The following SH3KBP1 variants were observed in gnomAD, a reference collection of about 807,000 sequenced individuals.
The protein encoded by SH3KBP1 is SH3 domain-containing kinase-binding protein 1.
SH3KBP1 carries 8 observed loss-of-function variants against 50.1 expected under a neutral mutation model. The observed-to-expected ratio is 0.16, with a 90% CI of 0.09 to 0.29. The LOEUF is 0.29. SH3KBP1 is among the 10% of genes least tolerant of loss of function. The pLI, the probability that SH3KBP1 is intolerant of heterozygous loss-of-function variation, is 1.00. For synonymous variants in SH3KBP1, 227 were observed against 218.6 expected, an observed-to-expected ratio of 1.04 and a Z score of -0.34; for missense variants, 377 against 535.2, an observed-to-expected ratio of 0.70 and a Z score of 2.92.
At chrX:19,673,575 G>C (rs931715587) in intron 6 of SH3KBP1, among the ~76,000 whole-genome samples, 2 of 111,613 alleles carry the variant, frequency 1.8e-5, no homozygotes, top group Non-Finnish European at 3.8e-5. Flanking sequence ...GCTACTAGAA[G>C]TTCCTGGTGC....
intron 2 of SH3KBP1, among the ~76,000 whole-genome samples, chrX:19,793,409 G>A (rs1362152340): frequency 9.1e-6 from 1 of 109,626 alleles, no homozygotes; most frequent in Non-Finnish European, 1.9e-5. Context: ...GTTGAATCCT[G>A]GATCTGCCTC....
intron 3 of SH3KBP1, 91 bp from the exon 4 acceptor site, chrX:19,707,075 C>T: frequency 1.3e-6 from 1 of 756,805 alleles, no homozygotes; most frequent in Non-Finnish European, 2.1e-6. Context: ...GCAAATTAAG[C>T]TGACTTGTCT....
chrX:19,543,485 G>A (rs1484053134), intron 15 of SH3KBP1, among the ~76,000 whole-genome samples: 1 of 111,348 alleles, frequency 9.0e-6, no homozygotes, highest in East Asian at 2.8e-4. Flanking sequence ...AAAACTGGGT[G>A]GAGTCCACTT....
At chrX:19,757,386 T>G in intron 2 of SH3KBP1, among the ~76,000 whole-genome samples, 1 of 110,274 alleles carries the variant, frequency 9.1e-6, no homozygotes, top group Admixed American at 9.7e-5. Context: ...CTCTTAAGAT[T>G]TCACCATGGC....
intron 8 of SH3KBP1, among the ~76,000 whole-genome samples, chrX:19,620,749 T>C (rs898284859): frequency 8.9e-6 from 1 of 112,452 alleles, no homozygotes; most frequent in Non-Finnish European, 1.9e-5. Context: ...AGGCAATTAC[T>C]TACTGAACAC....
At chrX:19,810,426 T>C (rs952792163) in intron 2 of SH3KBP1, among the ~76,000 whole-genome samples, 14 of 112,369 alleles carry the variant, frequency 1.2e-4, no homozygotes, top group Admixed American at 2.8e-4. Context: ...CAATGATGAA[T>C]CTGTGGCTTT....
At chrX:19,569,688 G>A (rs2147835222) in intron 12 of SH3KBP1, among the ~76,000 whole-genome samples, 1 of 112,063 alleles carries the variant, frequency 8.9e-6, no homozygotes, top group Admixed American at 9.5e-5. Flanking sequence ...AGATCTGGCG[G>A]CCTGAATGCT....
At position 19,706,944 on chromosome X, in the gene SH3KBP1, G is replaced by A. The variant is rs371576734; in HGVS notation, c.327C>T (p.Tyr109=). ...CAAGTTCATCGTCATTCTGGGGCAG[G>A]TAGCTGAATGCCACCTGGCACCGGC... is the stretch of plus-strand genomic sequence containing the variant. ...RRRRCQVAFS[Y]LPQNDDELEL... is the part of the protein sequence containing the mutation. Residue 109 remains tyrosine (Y), a synonymous_variant, in exon 4 of 18, where the codon TAC becomes TAT. Transcript: ENST00000397821. 87 of 1,210,282 alleles carry A rather than the reference G, an allele frequency of 7.2e-5. No homozygotes were observed. The African/African-American group carries it at 1.5e-3, about 21-fold the overall frequency.
intron 13 of SH3KBP1, among the ~76,000 whole-genome samples, chrX:19,562,901 T>C (rs2065726791): frequency 1.8e-5 from 2 of 112,080 alleles, no homozygotes; most frequent in South Asian, 7.4e-4. Context: ...TCTCTGTATA[T>C]TGGAATAATT....
intron 2 of SH3KBP1, among the ~76,000 whole-genome samples, chrX:19,795,941 G>C (rs745462017): frequency 9.0e-6 from 1 of 111,388 alleles, no homozygotes; most frequent in South Asian, 3.7e-4. Flanking sequence ...TATAAACTAA[G>C]CATAGTTTAC....
chrX:19,755,211 T>A (rs1462668408), intron 2 of SH3KBP1, among the ~76,000 whole-genome samples: 1 of 110,418 alleles, frequency 9.1e-6, no homozygotes, highest in African/African-American at 3.3e-5. Flanking sequence ...CTACTAAAGA[T>A]ACAAAAAATT....
chrX:19,724,778 T>C (rs1199691013), intron 3 of SH3KBP1, among the ~76,000 whole-genome samples: 1 of 112,289 alleles, frequency 8.9e-6, no homozygotes, highest in Non-Finnish European at 1.9e-5. Flanking sequence ...ATGGCTAAGG[T>C]TGAATCATCA....
intron 3 of SH3KBP1, among the ~76,000 whole-genome samples, chrX:19,709,376 C>G (rs1420881757): frequency 9.0e-6 from 1 of 111,519 alleles, no homozygotes; most frequent in Non-Finnish European, 1.9e-5. Context: ...GCTCACAAAC[C>G]CTTCTGATAT....
intron 6 of SH3KBP1, among the ~76,000 whole-genome samples, chrX:19,668,935 A>AATATATAT (rs56844238): frequency 8.2e-3 from 269 of 32,810 alleles, no homozygotes; most frequent in Non-Finnish European, 0.013. Flanking sequence ...GATTGAGGGT[A>AATATATAT]ATATATATAT....
chrX:19,592,617 G>A lies in SH3KBP1; in HGVS notation c.1058-470C>T, dbSNP rs2066783904. 3.6e-5 allele frequency among the ~76,000 whole-genome samples: 4 copies of A among 112,032 alleles called. No homozygotes were observed. The Admixed American group carries it at 3.8e-4, about 11-fold the overall frequency. On this transcript the variant is annotated intron_variant, in intron 10 of 17. Transcript: ENST00000397821. ...TTACCTGATACTCCTCCCAGTAAGA[G>A]GTGAGGTCTACATCCCCTTGCCAGG...
chrX:19,566,028 G>A (rs774632640), intron 13 of SH3KBP1, among the ~76,000 whole-genome samples: 3 of 108,507 alleles, frequency 2.8e-5, no homozygotes, highest in South Asian at 4.2e-4. Flanking sequence ...GGGTTCAAGC[G>A]ATTCTCCTGG....
At chrX:19,635,332 C>T (rs2061674987) in intron 7 of SH3KBP1, among the ~76,000 whole-genome samples, 1 of 108,979 alleles carries the variant, frequency 9.2e-6, no homozygotes, top group Admixed American at 9.9e-5. Context: ...GAAAACCAAG[C>T]ACCGCATGTT....
chrX:19,725,571 C>T (rs2064197538), intron 3 of SH3KBP1, among the ~76,000 whole-genome samples: 1 of 111,831 alleles, frequency 8.9e-6, no homozygotes, highest in South Asian at 3.7e-4. Flanking sequence ...CAGTTGGGGA[C>T]ACAGTGACTG....
At chrX:19,798,325 G>A (rs776335906) in intron 2 of SH3KBP1, among the ~76,000 whole-genome samples, 4 of 110,275 alleles carry the variant, frequency 3.6e-5, no homozygotes, top group Non-Finnish European at 7.6e-5. Context: ...GGGCTCAAGC[G>A]ATCCTCCTGC....
Sources: gnomAD v4.1 joint callset for allele counts (sites outside exome capture counted in the v4.1 genomes callset) on GRCh38, gnomAD v4.1.1 for gene constraint, MANE v1.5 for transcripts, NCBI Gene and HGNC (gene_info 2026-07-23, HGNC 2026-07-21) for gene names.